The following STK26 variants were observed in gnomAD, a reference collection of about 807,000 sequenced individuals.
STK26 encodes the protein serine/threonine-protein kinase 26.
In STK26, 14 loss-of-function variants were observed where a neutral mutation model predicts 34.7. That is an observed-to-expected ratio of 0.40 (90% CI 0.27 to 0.63). The LOEUF (loss-of-function observed/expected upper bound fraction) is 0.63, where lower values mean the gene tolerates loss of function less well. Among genes scored for constraint, STK26 ranks in the 30% least tolerant of loss-of-function variants. STK26 has a pLI of 0.38. For missense variants in STK26, 226 were observed against 309.1 expected (o/e 0.73, Z 2.02); for synonymous variants, 100 against 109.8 (o/e 0.91, Z 0.56).
chrX:132,036,217 C>A (rs1926043340), intron 2 of STK26, among the ~76,000 whole-genome samples: 1 of 112,479 alleles, frequency 8.9e-6, no homozygotes, highest in African/African-American at 3.2e-5. Context: ...AATGAACACA[C>A]AACCAACAAA....
Position 132,023,539 on chromosome X carries a change from AACT to A in STK26, c.-76_-74del, listed in dbSNP as rs1196994040. 2 of 1,125,457 alleles carry A rather than the reference AACT, an allele frequency of 1.8e-6. No homozygotes were observed. The highest frequency in any genetic ancestry group is 1.2e-6 in the Non-Finnish European group (1 of 836,459). The allele number at this position is 1,125,457 out of a possible 1,213,427, so 92.8% of individuals were successfully genotyped here. On this transcript the variant is annotated 5_prime_UTR_variant, in exon 2 of 12. Coordinates refer to ENST00000394334, the MANE Select transcript of STK26 (RefSeq NM_016542.4). ...ATCGAAAAGCCTGGGAGGGCCGCCG[AACT>A]ACCCCCGGAGGGAGGAGCCAGTCCG...
In STK26 at chrX:132,050,399, A is replaced by C. The variant is rs148232211; in HGVS notation, c.43-4232A>C. On this transcript the variant is annotated intron_variant, in intron 2 of 11. Coordinates refer to ENST00000394334, the MANE Select transcript of STK26 (RefSeq NM_016542.4). ...TGTTGCTTGTGTTTTGACAAACATT[A>C]TGTTTCTAATCTTGAGTCATCCCTC... Among the ~76,000 whole-genome samples, 11 of 112,093 alleles carry C rather than the reference A, an allele frequency of 9.8e-5. No individual in the cohort carries two copies. The East Asian group carries it at 2.8e-3, about 29-fold the overall frequency.
chrX:132,065,169 T>C (rs1223124723), intron 4 of STK26, among the ~76,000 whole-genome samples: 1 of 111,814 alleles, frequency 8.9e-6, no homozygotes, highest in Non-Finnish European at 1.9e-5. Flanking sequence ...CCACTGATGT[T>C]TCTTTGTGTA....
At chrX:132,069,229 G>A (rs1208732765) in intron 6 of STK26, among the ~76,000 whole-genome samples, 2 of 106,200 alleles carry the variant, frequency 1.9e-5, no homozygotes, top group Non-Finnish European at 3.9e-5. Flanking sequence ...CCTCCATTCC[G>A]AGAAGGGTAC....
chrX:132,050,308 G>A (rs181689624), intron 2 of STK26, among the ~76,000 whole-genome samples: 1 of 111,530 alleles, frequency 9.0e-6, no homozygotes, highest in African/African-American at 3.3e-5. Flanking sequence ...AGGCCCTATC[G>A]ACAATACATA....
intron 3 of STK26, among the ~76,000 whole-genome samples, chrX:132,057,817 A>G (rs775552112): frequency 3.6e-5 from 4 of 111,807 alleles, no homozygotes; most frequent in Non-Finnish European, 7.5e-5. Context: ...GGTGCTGAAG[A>G]TATAAAAGTG....
rs1419935804 is a variant in STK26, at chrX:132,072,805, G to T, written c.1027-8G>T. ...TTCATGTGTATAATCTATATTATTTGTTCAAAGGAGCAAGATCTTGTGCAA... is the reference window on the plus strand; with the variant it reads ...TTCATGTGTATAATCTATATTATTTTTTCAAAGGAGCAAGATCTTGTGCAA... On this transcript the variant is annotated splice_region_variant and splice_polypyrimidine_tract_variant and intron_variant, in intron 9 of 11. Transcript: ENST00000394334. 1.7e-6 allele frequency: 2 copies of T among 1,202,816 alleles called. No individual in the cohort carries two copies. Among genetic ancestry groups the T allele is most frequent in the African/African-American group, 3.5e-5 (2 of 57,098 alleles).
At chrX:132,059,863 C>G (rs1331378093) in intron 3 of STK26, among the ~76,000 whole-genome samples, 1 of 111,387 alleles carries the variant, frequency 9.0e-6, no homozygotes, top group African/African-American at 3.3e-5. Flanking sequence ...TTATTTTTCA[C>G]TGAAACTGTA....
intron 2 of STK26, among the ~76,000 whole-genome samples, chrX:132,050,293 A>G (rs912307603): frequency 9.0e-6 from 1 of 111,667 alleles, no homozygotes; most frequent in Non-Finnish European, 1.9e-5. Context: ...ATCTTAACCT[A>G]TTATAGGCCC....
chrX:132,039,219 T>G (rs956886692), intron 2 of STK26, among the ~76,000 whole-genome samples: 3 of 111,480 alleles, frequency 2.7e-5, no homozygotes. Context: ...GGTGTGATCT[T>G]GGTTGAAAGA....
rs1407339677 is a variant in STK26 at position 132,069,492 on chromosome X, A to G, written c.612A>G (p.Ser204=). The G allele has an allele frequency of 7.8e-6, 8 of 1,032,170 alleles. No individual in the cohort carries two copies. The highest frequency in any genetic ancestry group is 2.7e-4 in the Middle Eastern group (1 of 3,647). 85.1% of individuals were successfully genotyped at this position (1,032,170 alleles called of 1,213,427 possible). ...TTTTACGTTAGGCTGACATTTGGTC[A>G]TTGGGAATTACTGCTATTGAACTAG... The part of the protein sequence containing the change: ...SAYDSKADIW[S]LGITAIELAK... Residue 204 remains serine, a synonymous_variant, in exon 7 of 12, where the codon TCA becomes TCG. Coordinates refer to ENST00000394334, the MANE Select transcript of STK26 (RefSeq NM_016542.4).
At chrX:132,039,185 A>C (rs1464541543) in intron 2 of STK26, among the ~76,000 whole-genome samples, 1 of 111,245 alleles carries the variant, frequency 9.0e-6, no homozygotes, top group East Asian at 2.8e-4. Context: ...TTTTGATGGT[A>C]GTGCATCATG....
In STK26 at chrX:132,069,486, T is replaced by C; in HGVS notation, c.606T>C (p.Ile202=). 1 of 1,026,745 alleles carries C rather than the reference T, an allele frequency of 9.7e-7. No individual in the cohort carries two copies. Among genetic ancestry groups the C allele is most frequent in the Non-Finnish European group, 1.3e-6 (1 of 796,641 alleles). The allele number at this position is 1,026,745 out of a possible 1,213,427, so 84.6% of individuals were successfully genotyped here. A position where few individuals can be genotyped will look rare whatever the true frequency, so the allele number is the denominator to read the frequency against. The change falls in exon 7 of 12, where the codon ATT becomes ATC. Residue 202 remains isoleucine, a synonymous_variant. Coordinates refer to ENST00000394334, the MANE Select transcript of STK26 (RefSeq NM_016542.4). ...QQSAYDSKAD[I]WSLGITAIEL... Reference sequence around the variant, plus strand: ...TTTTCCTTTTACGTTAGGCTGACATTTGGTCATTGGGAATTACTGCTATTG... The same window carrying C: ...TTTTCCTTTTACGTTAGGCTGACATCTGGTCATTGGGAATTACTGCTATTG...
In STK26 at chrX:132,033,250, C is replaced by CT. The variant is rs746171976; in HGVS notation, c.42+9592dup. Among the ~76,000 whole-genome samples the CT allele has an allele frequency of 1.7e-3, 191 of 111,372 alleles. 1 individual carries two copies. The highest frequency in any genetic ancestry group is 0.016 in the Admixed American group (165 of 10,485). On this transcript the variant is annotated intron_variant, in intron 2 of 11. Transcript: ENST00000394334. ...CAAAGCCTCTGCCTCATCATTATCG[C>CT]TGCCCACTAGAGCTGGGAAAGTTTC...
At chrX:132,040,399 G>A (rs1926220518) in intron 2 of STK26, among the ~76,000 whole-genome samples, 1 of 112,282 alleles carries the variant, frequency 8.9e-6, no homozygotes, top group Admixed American at 9.4e-5. Context: ...TTCAAGAAAA[G>A]CCCTCAGATC....
rs141425138 is a variant in STK26, at chrX:132,044,057, G to T, written c.43-10574G>T. Among the ~76,000 whole-genome samples, 53 of 111,574 alleles carry T rather than the reference G, an allele frequency of 4.8e-4. No individual in the cohort carries two copies. The East Asian group carries it at 0.015, about 31-fold the overall frequency. Reference sequence around the variant, plus strand: ...GAATATAGTCTCCCTTTCACCAAAAGTCAGAAGTCAAGTTGCAAATGAAAA... The same window carrying T: ...GAATATAGTCTCCCTTTCACCAAAATTCAGAAGTCAAGTTGCAAATGAAAA... On this transcript the variant is annotated intron_variant, in intron 2 of 11. Coordinates refer to ENST00000394334, the MANE Select transcript of STK26 (RefSeq NM_016542.4).
At chrX:132,067,008 A>C (rs1370346842) in intron 4 of STK26, among the ~76,000 whole-genome samples, 1 of 111,817 alleles carries the variant, frequency 8.9e-6, no homozygotes, top group African/African-American at 3.3e-5. Flanking sequence ...TTTAGAAACT[A>C]TTTTAATCAC....
intron 3 of STK26, among the ~76,000 whole-genome samples, chrX:132,059,623 T>G (rs1602769119): frequency 8.9e-6 from 1 of 111,757 alleles, no homozygotes; most frequent in Admixed American, 9.5e-5. Context: ...GAATAATCTT[T>G]TATAATCTTT....
At chrX:132,043,884 A>G (rs1364448720) in intron 2 of STK26, among the ~76,000 whole-genome samples, 2 of 111,733 alleles carry the variant, frequency 1.8e-5, no homozygotes, top group African/African-American at 6.5e-5. Flanking sequence ...TCTTTCGAGA[A>G]TTGCTGTTTT....
Sources: gnomAD v4.1 joint callset for allele counts (sites outside exome capture counted in the v4.1 genomes callset) on GRCh38, gnomAD v4.1.1 for gene constraint, MANE v1.5 for transcripts, NCBI Gene and HGNC (gene_info 2026-07-23, HGNC 2026-07-21) for gene names.